The following TESK2 variants were observed in gnomAD, a reference collection of about 807,000 sequenced individuals.
TESK2 encodes the protein dual specificity testis-specific protein kinase 2.
In TESK2, 39 loss-of-function variants were observed where a neutral mutation model predicts 57.1. The observed-to-expected ratio is 0.68, with a 90% CI of 0.53 to 0.89. TESK2 has a LOEUF of 0.89. Among genes scored for constraint, TESK2 ranks in the 40% least tolerant of loss-of-function variants. The pLI, the probability that TESK2 is intolerant of heterozygous loss-of-function variation, is 0.00. For missense variants in TESK2, 646 were observed against 732.1 expected, an observed-to-expected ratio of 0.88 and a Z score of 1.36; for synonymous variants, 249 against 267.9, an observed-to-expected ratio of 0.93 and a Z score of 0.69.
At chr1:45,451,218 A>G (rs1651856284) in intron 2 of TESK2, among the ~76,000 whole-genome samples, 1 of 152,104 alleles carries the variant, frequency 6.6e-6, no homozygotes, top group East Asian at 1.9e-4. Flanking sequence ...GTTTATATCT[A>G]CTTGTGTTTT....
chr1:45,483,730 G>A (rs1653334316), intron 1 of TESK2, among the ~76,000 whole-genome samples: 1 of 152,092 alleles, frequency 6.6e-6, no homozygotes, highest in African/African-American at 2.4e-5. Flanking sequence ...AGGCACAGTG[G>A]CTCATGCCAG....
chr1:45,447,343 A>ATT (rs113040280), intron 2 of TESK2, among the ~76,000 whole-genome samples: 242 of 149,872 alleles, frequency 1.6e-3, no homozygotes, highest in African/African-American at 2.3e-3. Flanking sequence ...TTTCTATTAA[A>ATT]TTTTTTTTTT....
intron 2 of TESK2, among the ~76,000 whole-genome samples, chr1:45,434,296 G>A (rs1398359851): frequency 1.3e-5 from 2 of 150,676 alleles, no homozygotes; most frequent in African/African-American, 2.4e-5. Context: ...TGCCTGGCCT[G>A]TTTTTGTTTG....
intron 5 of TESK2, 76 bp downstream of exon 5, chr1:45,355,227 T>A: frequency 6.6e-7 from 1 of 1,512,998 alleles, no homozygotes; most frequent in Non-Finnish European, 9.0e-7. Context: ...GATTAAATGT[T>A]AAATCTAACA....
intron 5 of TESK2, among the ~76,000 whole-genome samples, chr1:45,350,557 T>G (rs1647216575): frequency 6.6e-6 from 1 of 152,230 alleles, no homozygotes. Context: ...TAAGAGGTTC[T>G]TTTCATAGCA....
chr1:45,388,236 G>C (rs1446503195), intron 3 of TESK2, among the ~76,000 whole-genome samples: 1 of 152,104 alleles, frequency 6.6e-6, no homozygotes, highest in Non-Finnish European at 1.5e-5. Context: ...ATAATAAAAA[G>C]ATAAATTATG....
At chr1:45,467,676 T>A (rs1401416985) in intron 1 of TESK2, among the ~76,000 whole-genome samples, 1 of 151,996 alleles carries the variant, frequency 6.6e-6, no homozygotes, top group African/African-American at 2.4e-5. Context: ...GCAACAGCTA[T>A]GTAGCATGCT....
At chr1:45,417,946 A>G (rs1327323980) in intron 3 of TESK2, among the ~76,000 whole-genome samples, 1 of 152,194 alleles carries the variant, frequency 6.6e-6, no homozygotes, top group African/African-American at 2.4e-5. Context: ...ATTTTATTAT[A>G]TAACAAGTAT....
chr1:45,422,751 T>C (rs1650523674), intron 2 of TESK2, among the ~76,000 whole-genome samples: 1 of 144,196 alleles, frequency 6.9e-6, no homozygotes, highest in Admixed American at 6.9e-5. Flanking sequence ...GCCAATCATG[T>C]CTGGTTTTTT....
chr1:45,352,888 ATTTTCTTTTTTT>A (rs1048293114), intron 5 of TESK2, among the ~76,000 whole-genome samples: 14 of 150,624 alleles, frequency 9.3e-5, no homozygotes, highest in East Asian at 3.9e-4. Flanking sequence ...AACAAATGCA[ATTTTCTTTTTTT>A]TTTTCTTTTT....
intron 4 of TESK2, among the ~76,000 whole-genome samples, chr1:45,385,710 G>GTGTATATATATA (rs947905047): frequency 3.7e-5 from 5 of 135,282 alleles, no homozygotes; most frequent in African/African-American, 1.5e-4. Context: ...GTGTGTGTGT[G>GTGTATATATATA]TATATATATA....
intron 5 of TESK2, among the ~76,000 whole-genome samples, chr1:45,354,816 ATATATATAT>A (rs1290734690): frequency 1.3e-4 from 2 of 14,868 alleles, no homozygotes; most frequent in Non-Finnish European, 1.9e-4. Flanking sequence ...AAAAAAAAAA[ATATATATAT>A]ATATATATAT....
chr1:45,362,475 C>A (rs1354479630), intron 4 of TESK2, among the ~76,000 whole-genome samples: 1 of 152,142 alleles, frequency 6.6e-6, no homozygotes, highest in East Asian at 1.9e-4. Context: ...TATAACTATT[C>A]AGAACAATAA....
Position 45,349,168 on chromosome 1 carries a change from A to T in TESK2, c.541-1168T>A, listed in dbSNP as rs115520420. 5.0e-3 allele frequency among the ~76,000 whole-genome samples: 751 copies of T among 151,072 alleles called. 9 individuals carry two copies. Among genetic ancestry groups the T allele is most frequent in the African/African-American group, 0.017 (704 of 41,104 alleles). ...AGCCTTGGTATCTAGTTGCTAAGACATGCCAAGTCACCTCCTGCTTACTCC... is the reference window on the plus strand; with the variant it reads ...AGCCTTGGTATCTAGTTGCTAAGACTTGCCAAGTCACCTCCTGCTTACTCC... On this transcript the variant is annotated intron_variant, in intron 5 of 10. Coordinates refer to ENST00000372086, the MANE Select transcript of TESK2 (RefSeq NM_007170.3).
intron 10 of TESK2, 75 bp from the exon 11 acceptor site, chr1:45,345,633 T>C (rs1647131002): frequency 1.4e-6 from 2 of 1,381,718 alleles, no homozygotes; most frequent in South Asian, 2.6e-5. Flanking sequence ...CAGAATGTTT[T>C]CACTCATGAA....
At chr1:45,425,202 A>G (rs999257252) in intron 2 of TESK2, among the ~76,000 whole-genome samples, 3 of 152,256 alleles carry the variant, frequency 2.0e-5, no homozygotes, top group Non-Finnish European at 2.9e-5. Flanking sequence ...TGATAAATTC[A>G]GAAAAGTTAC....
chr1:45,475,063 C>CAAAA (rs58542898), intron 1 of TESK2, among the ~76,000 whole-genome samples: 15 of 87,352 alleles, frequency 1.7e-4, no homozygotes, highest in African/African-American at 2.3e-4. Context: ...GACTCTATCT[C>CAAAA]AAAAAAAAAA....
intron 4 of TESK2, among the ~76,000 whole-genome samples, chr1:45,376,533 G>T (rs905921649): frequency 5.9e-5 from 9 of 151,918 alleles, no homozygotes; most frequent in Admixed American, 3.3e-4. Context: ...CACTATTTTT[G>T]ATTTCTGGCT....
chr1:45,484,042 GGTTGGCTTCCCAACCCCT>G (rs1343045579), intron 1 of TESK2, among the ~76,000 whole-genome samples: 1 of 150,206 alleles, frequency 6.7e-6, no homozygotes, highest in East Asian at 1.9e-4. Context: ...ACCGCACAGG[GGTTGGCTTCCCAACCCCT>G]GTTTTGTTCA....
Sources: gnomAD v4.1 joint callset for allele counts (sites outside exome capture counted in the v4.1 genomes callset) on GRCh38, gnomAD v4.1.1 for gene constraint, MANE v1.5 for transcripts, NCBI Gene and HGNC (gene_info 2026-07-23, HGNC 2026-07-21) for gene names.